Variants in MAPK14 observed in about 807,000 individuals in gnomAD.
MAPK14 encodes the protein mitogen-activated protein kinase 14.
Under a neutral mutation model 49.6 loss-of-function variants are expected in MAPK14, and 16 were observed. The observed-to-expected ratio is 0.32, with a 90% CI of 0.22 to 0.49. The LOEUF (loss-of-function observed/expected upper bound fraction) is 0.49, where lower values mean the gene tolerates loss of function less well. Ranked by LOEUF, MAPK14 falls within the 20% of genes least tolerant of loss-of-function variation. The pLI, the probability that MAPK14 is intolerant of heterozygous loss-of-function variation, is 0.99. For synonymous variants in MAPK14, 142 were observed against 158.0 expected, an observed-to-expected ratio of 0.90 and a Z score of 0.76; for missense variants, 200 against 441.2, an observed-to-expected ratio of 0.45 and a Z score of 4.90.
chr6:36,059,656 G>C (rs1763729356), intron 3 of MAPK14, among the ~76,000 whole-genome samples: 1 of 150,954 alleles, frequency 6.6e-6, no homozygotes, highest in Non-Finnish European at 1.5e-5. Flanking sequence ...TTTATCCCAG[G>C]TTTGGTTTTG....
chr6:36,036,155 G>A (rs531826146), intron 1 of MAPK14, among the ~76,000 whole-genome samples: 3 of 150,800 alleles, frequency 2.0e-5, no homozygotes, highest in Non-Finnish European at 4.4e-5. Context: ...AGAATTGCTT[G>A]AACCTGGGAA....
At chr6:36,091,844 C>CTTTTTTTTTTTTTTT (rs1185804651) in intron 8 of MAPK14, 6 of 124,848 alleles carry the variant, frequency 4.8e-5, no homozygotes, top group South Asian at 1.8e-4. Flanking sequence ...CTTTTCTTTT[C>CTTTTTTTTTTTTTTT]TTTTTTTTTT....
chr6:36,079,325 C>T (rs1764653180), intron 8 of MAPK14, among the ~76,000 whole-genome samples: 3 of 152,136 alleles, frequency 2.0e-5, no homozygotes, highest in Non-Finnish European at 4.4e-5. Context: ...AATGTATTGG[C>T]CTCATACCCT....
At chr6:36,093,720 C>CAAAAAAAA (rs11343231) in intron 8 of MAPK14, among the ~76,000 whole-genome samples, 5 of 83,112 alleles carry the variant, frequency 6.0e-5, no homozygotes, top group Admixed American at 1.5e-4. Flanking sequence ...GACTCCGTCT[C>CAAAAAAAA]AAAAAAAAAA....
intron 1 of MAPK14, among the ~76,000 whole-genome samples, chr6:36,032,069 A>G (rs908788653): frequency 2.0e-5 from 3 of 152,154 alleles, no homozygotes; most frequent in African/African-American, 7.2e-5. Context: ...GGGATGAGCC[A>G]CCACACCCAG....
chr6:36,064,078 G>GTGTGTA (rs1171735645), intron 3 of MAPK14, among the ~76,000 whole-genome samples: 1 of 151,898 alleles, frequency 6.6e-6, no homozygotes, highest in Admixed American at 6.6e-5. Flanking sequence ...GTGTGTGTGT[G>GTGTGTA]TGTGTGTGTG....
At position 36,028,466 on chromosome 6, in the gene MAPK14, C is replaced by T. The variant is rs1046866445; in HGVS notation, c.116+193C>T. ...CCCTGCACTCACGCAGGTATGCGGT[C>T]CACCGTGTGCAGCACTCAGGTCCGC... On this transcript the variant is annotated intron_variant, in intron 1 of 11. Coordinates refer to ENST00000229794, the MANE Select transcript of MAPK14 (RefSeq NM_139012.3). This position sits in a 1 kb window ranked among gnomAD's most constrained non-coding sequence, Gnocchi z 5.1. Among the ~76,000 whole-genome samples the T allele has an allele frequency of 2.6e-5, 4 of 152,258 alleles. No homozygotes were observed. The highest frequency in any genetic ancestry group is 9.6e-5 in the African/African-American group (4 of 41,476).
chr6:36,068,026 G>C (rs1429859165), intron 3 of MAPK14, among the ~76,000 whole-genome samples: 1 of 152,066 alleles, frequency 6.6e-6, no homozygotes, highest in Non-Finnish European at 1.5e-5. Context: ...AAAAAGAAAA[G>C]GTAGAAAGGT....
At position 36,028,339 on chromosome 6, in the gene MAPK14, G is replaced by A; in HGVS notation, c.116+66G>A. On this transcript the variant is annotated intron_variant, in intron 1 of 11. Transcript: ENST00000229794. This position sits in a 1 kb window ranked among gnomAD's most constrained non-coding sequence, Gnocchi z 5.1. Reference sequence around the variant, plus strand: ...CCCCTCGCGCCCGAGGGCCAGGCCTGCTCCACTGCTCAGCGTTGCGTCAAG... The same window carrying A: ...CCCCTCGCGCCCGAGGGCCAGGCCTACTCCACTGCTCAGCGTTGCGTCAAG... The A allele has an allele frequency of 9.1e-7, 1 of 1,099,304 alleles. No homozygotes were observed. The highest frequency in any genetic ancestry group is 1.4e-6 in the Non-Finnish European group (1 of 721,322). 68.1% of individuals were successfully genotyped at this position (1,099,304 alleles called of 1,614,324 possible).
At chr6:36,060,813 T>A (rs908922759) in intron 3 of MAPK14, among the ~76,000 whole-genome samples, 3 of 152,240 alleles carry the variant, frequency 2.0e-5, no homozygotes, top group Non-Finnish European at 4.4e-5. Context: ...GTTGGAACAG[T>A]GTATGGCTGA....
downstream of MAPK14, among the ~76,000 whole-genome samples, chr6:36,111,956 C>G (rs1415874003): frequency 2.6e-5 from 4 of 152,182 alleles, no homozygotes; most frequent in African/African-American, 9.7e-5. Flanking sequence ...CCTGTAATCT[C>G]AGCACTTTGG....
At chr6:36,085,390 C>G (rs888937232) in intron 8 of MAPK14, among the ~76,000 whole-genome samples, 1 of 152,148 alleles carries the variant, frequency 6.6e-6, no homozygotes, top group Admixed American at 6.5e-5. Context: ...GATAAAGAAT[C>G]ACGACCCATC....
chr6:36,095,043 A>G (rs1765391844), intron 8 of MAPK14, among the ~76,000 whole-genome samples: 1 of 152,128 alleles, frequency 6.6e-6, no homozygotes, highest in South Asian at 2.1e-4. Flanking sequence ...AACTGTTCAC[A>G]TTTTCAGAGG....
At chr6:36,045,266 A>G (rs1581743485) in intron 1 of MAPK14, among the ~76,000 whole-genome samples, 1 of 152,310 alleles carries the variant, frequency 6.6e-6, no homozygotes, top group African/African-American at 2.4e-5. Context: ...ACCCACTATT[A>G]TATTCTTTTA....
At chr6:36,049,116 A>T (rs1341460377) in intron 1 of MAPK14, among the ~76,000 whole-genome samples, 5 of 152,208 alleles carry the variant, frequency 3.3e-5, no homozygotes, top group Non-Finnish European at 4.4e-5. Flanking sequence ...AATCTTAGAA[A>T]AGTGGATTTG....
At chr6:36,058,837 G>A (rs1285860675) in intron 2 of MAPK14, among the ~76,000 whole-genome samples, 1 of 151,926 alleles carries the variant, frequency 6.6e-6, no homozygotes, top group African/African-American at 2.4e-5. Flanking sequence ...AACTGTGATG[G>A]TGTCACTGTA....
At chr6:36,059,616 G>A (rs1763727099) in intron 3 of MAPK14, among the ~76,000 whole-genome samples, 2 of 152,282 alleles carry the variant, frequency 1.3e-5, no homozygotes, top group South Asian at 2.1e-4. Context: ...AGTGGAGAGA[G>A]TTTTGACTAT....
In MAPK14 at chr6:36,107,702, C is replaced by G; in HGVS notation, c.1015+74C>G. 1 of 1,126,656 alleles carries G rather than the reference C, an allele frequency of 8.9e-7. No individual in the cohort carries two copies. Among genetic ancestry groups the G allele is most frequent in the Non-Finnish European group, 1.2e-6 (1 of 816,760 alleles). The allele number at this position is 1,126,656 out of a possible 1,614,324, so 69.8% of individuals were successfully genotyped here. On this transcript the variant is annotated intron_variant, in intron 11 of 11. Coordinates refer to ENST00000229794, the MANE Select transcript of MAPK14 (RefSeq NM_139012.3). The surrounding 1 kb of genome is among the most constrained non-coding windows in gnomAD (Gnocchi z 4.3). ...GTGGGAAAAATAAAAACTGAATGGT[C>G]ATAACCAACTTGCTAAAGCTTGTAG...
At chr6:36,097,446 A>G (rs528576700) in intron 9 of MAPK14, 1 of 152,222 alleles carries the variant, frequency 6.6e-6, no homozygotes, top group Non-Finnish European at 1.5e-5. Flanking sequence ...GAGTGAATCA[A>G]AGATATCAGA....
Sources: allele counts gnomAD v4.1 joint callset (sites outside exome capture counted in the v4.1 genomes callset), GRCh38; gene constraint gnomAD v4.1.1; non-coding constraint Gnocchi (gnomAD v3.1); transcripts MANE v1.5; gene names NCBI Gene and HGNC (gene_info 2026-07-23, HGNC 2026-07-21).